MROH1: variants seen among roughly 807,000 people sequenced by gnomAD.
MROH1 encodes maestro heat like repeat family member 1.
Under a neutral mutation model 116.5 loss-of-function variants are expected in MROH1, and 117 were observed. The observed-to-expected ratio is 1.00, with a 90% CI of 0.86 to 1.17. The LOEUF (loss-of-function observed/expected upper bound fraction) is 1.17, where lower values mean the gene tolerates loss of function less well. MROH1 is among the 50% of genes most tolerant of loss of function. MROH1 has a pLI of 0.00. For synonymous variants in MROH1, 921 were observed against 583.9 expected (o/e 1.58, Z -8.32); for missense variants, 1,873 against 1,338.5 (o/e 1.40, Z -6.23).
rs1165454300 is a variant in MROH1 at position 144,244,202 on chromosome 8, G to A, written c.2556-20G>A. On this transcript the variant is annotated intron_variant, in intron 26 of 43. Transcript: ENST00000326134. ...TTCAGCCTTAGGATCATTGTCTGGG[G>A]CCCTTAACTTGCCTCTCAGCTCCGT... 1 of 716,480 alleles carries A rather than the reference G, an allele frequency of 1.4e-6. No homozygotes were observed. Among genetic ancestry groups the A allele is most frequent in the Non-Finnish European group, 2.6e-6 (1 of 384,898 alleles). The allele number at this position is 716,480 out of a possible 1,614,324, so 44.4% of individuals were successfully genotyped here.
At chr8:144,237,096 G>A (rs966167825) in intron 14 of MROH1, among the ~76,000 whole-genome samples, 1 of 151,452 alleles carries the variant, frequency 6.6e-6, no homozygotes, top group South Asian at 2.1e-4. Flanking sequence ...TAGTAGAGAC[G>A]GGGTTTCACC....
Position 144,261,207 on chromosome 8 carries a change from C to T in MROH1, c.4765C>T (p.Leu1589=). 1 of 764,834 alleles carries T rather than the reference C, an allele frequency of 1.3e-6. No individual in the cohort carries two copies. 47.4% of individuals were successfully genotyped at this position (764,834 alleles called of 1,614,324 possible). A position where few individuals can be genotyped will look rare whatever the true frequency, so the allele number is the denominator to read the frequency against. ...GGAGAACGTCCGAGCTGCTGCACCC[C>T]TGTTCACCGGTAAGCACCACCCCCT... The part of the protein sequence containing the change: ...SWENVRAAAP[L]FTGFLVLHSE... Residue 1589 remains leucine (L), a synonymous_variant, in exon 42 of 44, where the codon CTG becomes TTG. Coordinates refer to ENST00000326134, the MANE Select transcript of MROH1 (RefSeq NM_032450.3).
intron 4 of MROH1, among the ~76,000 whole-genome samples, chr8:144,175,917 C>CA (rs1376589901): frequency 6.6e-6 from 1 of 152,146 alleles, no homozygotes; most frequent in Non-Finnish European, 1.5e-5. Context: ...GGCGTGGTGG[C>CA]ACGCGCCTGT....
intron 4 of MROH1, among the ~76,000 whole-genome samples, chr8:144,177,235 A>C (rs529598832): frequency 6.6e-6 from 1 of 152,210 alleles, no homozygotes; most frequent in South Asian, 2.1e-4. Flanking sequence ...GGGACTCTCA[A>C]CGTTTGAGAT....
At chr8:144,201,623 CT>C (rs1279134620) in intron 12 of MROH1, among the ~76,000 whole-genome samples, 2 of 152,332 alleles carry the variant, frequency 1.3e-5, no homozygotes, top group East Asian at 3.9e-4. Context: ...GCACTGCCCC[CT>C]GTACTGAGGT....
At chr8:144,151,339 A>G (rs1169854028) in intron 1 of MROH1, among the ~76,000 whole-genome samples, 1 of 151,756 alleles carries the variant, frequency 6.6e-6, no homozygotes, top group Non-Finnish European at 1.5e-5. Context: ...GATTGGCGGA[A>G]GAAGACACAA....
At chr8:144,189,895 T>A (rs1588030645) in intron 7 of MROH1, among the ~76,000 whole-genome samples, 1 of 152,200 alleles carries the variant, frequency 6.6e-6, no homozygotes. Flanking sequence ...AGGAGGTTGG[T>A]ACTTGCACCA....
rs955120001 is a variant in MROH1 at position 144,256,850 on chromosome 8, G to C, written c.3791+1145G>C. Among the ~76,000 whole-genome samples the C allele has an allele frequency of 3.3e-5, 5 of 152,254 alleles. 1 individual carries two copies. The highest frequency in any genetic ancestry group is 3.3e-4 in the Admixed American group (5 of 15,292). On this transcript the variant is annotated intron_variant, in intron 35 of 43. Coordinates refer to ENST00000326134, the MANE Select transcript of MROH1 (RefSeq NM_032450.3). The stretch of plus-strand genomic sequence containing the variant: ...TTAGATTTGTCGAAGCTGGTTGTGA[G>C]TTGCTGTGCCTGCGCCATTTGCAGC...
intron 43 of MROH1, 108 bp from the exon 44 acceptor site, chr8:144,261,547 T>C: frequency 1.4e-6 from 1 of 692,156 alleles, no homozygotes; most frequent in South Asian, 1.5e-5. Flanking sequence ...GATCTTTCCG[T>C]TGGCTCCTGA....
chr8:144,208,545 A>T (rs1461417896), intron 12 of MROH1, among the ~76,000 whole-genome samples: 1 of 151,678 alleles, frequency 6.6e-6, no homozygotes, highest in Non-Finnish European at 1.5e-5. Context: ...CTCCAGTGTG[A>T]CCCCCTCTCA....
At chr8:144,254,174 A>ACTGGGTAAGTTCTTAATCTTCCTG (rs1843300145) in intron 33 of MROH1, among the ~76,000 whole-genome samples, 7 of 151,924 alleles carry the variant, frequency 4.6e-5, no homozygotes, top group Non-Finnish European at 1.0e-4. Flanking sequence ...TTATCTTCCT[A>ACTGGGTAAGTTCTTAATCTTCCTG]TTCACTGGGT....
At chr8:144,239,408 TC>T in intron 17 of MROH1, 45 bp downstream of exon 17, 1 of 780,268 alleles carries the variant, frequency 1.3e-6, no homozygotes, top group South Asian at 1.3e-5. Flanking sequence ...CCACTCTGTG[TC>T]CCTGTGCTCC....
At chr8:144,241,557 A>G (rs1339969782) in intron 22 of MROH1, 40 bp downstream of exon 22, 4 of 776,424 alleles carry the variant, frequency 5.2e-6, no homozygotes, top group Admixed American at 1.7e-5. Flanking sequence ...ACGGCTGTCT[A>G]TCCACAAGTT....
At chr8:144,191,582 A>G (rs917647081) in intron 8 of MROH1, 133 bp from the exon 9 acceptor site, 182 of 1,222,326 alleles carry the variant, frequency 1.5e-4, no homozygotes, top group Admixed American at 2.5e-4. Flanking sequence ...TGCTAGGCTC[A>G]CGTCCCAGCC....
At chr8:144,230,042 T>TAAC (rs1423137826) in intron 14 of MROH1, among the ~76,000 whole-genome samples, 2 of 151,414 alleles carry the variant, frequency 1.3e-5, no homozygotes, top group African/African-American at 4.8e-5. Context: ...TCAAAAATAA[T>TAAC]AATAATAATA....
chr8:144,248,559 C>A (rs1842299020), intron 31 of MROH1, among the ~76,000 whole-genome samples: 1 of 152,194 alleles, frequency 6.6e-6, no homozygotes, highest in South Asian at 2.1e-4. Context: ...GCGACTGCAC[C>A]ACAGGGCTGC....
chr8:144,249,338 G>A (rs1842451187), intron 32 of MROH1, among the ~76,000 whole-genome samples: 1 of 152,186 alleles, frequency 6.6e-6, no homozygotes, highest in African/African-American at 2.4e-5. Flanking sequence ...GAAAAGGCGG[G>A]TGAAAGCGCT....
intron 14 of MROH1, among the ~76,000 whole-genome samples, chr8:144,232,402 T>C (rs932481265): frequency 6.6e-6 from 1 of 152,208 alleles, no homozygotes; most frequent in East Asian, 1.9e-4. Flanking sequence ...TGTGCATCTA[T>C]TGGTGAAATT....
At chr8:144,220,274 G>A (rs781370091) in intron 12 of MROH1, among the ~76,000 whole-genome samples, 2 of 152,072 alleles carry the variant, frequency 1.3e-5, no homozygotes, top group Admixed American at 6.6e-5. Context: ...TGCTTAATCC[G>A]CCTTCAGTGA....
Sources: allele counts gnomAD v4.1 joint callset (sites outside exome capture counted in the v4.1 genomes callset), GRCh38; gene constraint gnomAD v4.1.1; transcripts MANE v1.5; gene names NCBI Gene and HGNC (gene_info 2026-07-23, HGNC 2026-07-21).